LIMCH1: variants seen among roughly 807,000 people sequenced by gnomAD.
LIMCH1 encodes the protein LIM and calponin homology domains-containing protein 1.
In LIMCH1, 113 loss-of-function variants were observed where a neutral mutation model predicts 176.5. That is an observed-to-expected ratio of 0.64 (90% CI 0.55 to 0.75). LIMCH1 has a LOEUF of 0.75. LIMCH1 is among the 30% of genes least tolerant of loss of function. LIMCH1 has a pLI of 0.00. For missense variants in LIMCH1, 1,674 were observed against 1,814.9 expected (o/e 0.92, Z 1.41); for synonymous variants, 619 against 645.9 (o/e 0.96, Z 0.63).
intron 4 of LIMCH1, among the ~76,000 whole-genome samples, chr4:41,609,316 C>G (rs1400351729): frequency 6.7e-6 from 1 of 149,052 alleles, no homozygotes; most frequent in East Asian, 2.0e-4. Context: ...TTTTTGTCTT[C>G]TTTACTGGAA....
At chr4:41,396,363 CTCT>C (rs1276915106) in intron 1 of LIMCH1, among the ~76,000 whole-genome samples, 1 of 152,158 alleles carries the variant, frequency 6.6e-6, no homozygotes, top group African/African-American at 2.4e-5. Flanking sequence ...TACTAAACCT[CTCT>C]TCTTTATATG....
chr4:41,695,347 A>G (rs1398876798), intron 31 of LIMCH1, among the ~76,000 whole-genome samples: 2 of 151,054 alleles, frequency 1.3e-5, no homozygotes, highest in Admixed American at 1.3e-4. Context: ...TCTCCTTCAC[A>G]TGTAAATATG....
intron 28 of LIMCH1, 90 bp from the exon 29 acceptor site, chr4:41,687,750 T>C: frequency 1.2e-6 from 1 of 815,042 alleles, no homozygotes; most frequent in African/African-American, 1.7e-5. Context: ...TTTTATTTTA[T>C]TTTATTTTCC....
intron 1 of LIMCH1, among the ~76,000 whole-genome samples, chr4:41,408,360 G>A (rs2059174877): frequency 6.6e-6 from 1 of 152,158 alleles, no homozygotes; most frequent in Non-Finnish European, 1.5e-5. Context: ...CAGTCTGTGT[G>A]GTTGGATTTC....
chr4:41,649,696 G>A (rs1485733839), intron 17 of LIMCH1, among the ~76,000 whole-genome samples: 1 of 152,196 alleles, frequency 6.6e-6, no homozygotes, highest in Non-Finnish European at 1.5e-5. Context: ...TTTCAAGACC[G>A]AGATTTCCAG....
chr4:41,477,644 A>T (rs1288378423), intron 1 of LIMCH1, among the ~76,000 whole-genome samples: 2 of 152,192 alleles, frequency 1.3e-5, no homozygotes, highest in South Asian at 4.1e-4. Flanking sequence ...TGTGGCTAGA[A>T]CACAGTTGTC....
At chr4:41,628,776 A>G (rs2093141125) in intron 8 of LIMCH1, among the ~76,000 whole-genome samples, 1 of 152,192 alleles carries the variant, frequency 6.6e-6, no homozygotes, top group South Asian at 2.1e-4. Flanking sequence ...AGAACAATGG[A>G]AAATATCAGT....
upstream of LIMCH1, among the ~76,000 whole-genome samples, chr4:41,533,594 C>T (rs569066702): frequency 6.6e-6 from 1 of 152,220 alleles, no homozygotes; most frequent in South Asian, 2.1e-4. Flanking sequence ...CTCTTGCCTT[C>T]CAAGTAAAAA....
At chr4:41,553,581 C>CT (rs2080834223) in intron 1 of LIMCH1, among the ~76,000 whole-genome samples, 1 of 152,036 alleles carries the variant, frequency 6.6e-6, no homozygotes, top group African/African-American at 2.4e-5. Context: ...TTGAGAATCC[C>CT]TGTGTACCTG....
At chr4:41,671,421 C>T in intron 21 of LIMCH1, 133 bp from the exon 22 acceptor site, 2 of 632,124 alleles carry the variant, frequency 3.2e-6, no homozygotes, top group African/African-American at 1.8e-5. Context: ...CACACACACA[C>T]ACACACACAC....
intron 29 of LIMCH1, 118 bp from the exon 30 acceptor site, chr4:41,689,409 C>T: frequency 1.7e-6 from 1 of 579,886 alleles, no homozygotes; most frequent in Non-Finnish European, 3.1e-6. Context: ...TCATTTCATT[C>T]ATGATATAGG....
intron 1 of LIMCH1, among the ~76,000 whole-genome samples, chr4:41,374,857 G>A (rs2054496191): frequency 6.6e-6 from 1 of 152,174 alleles, no homozygotes. Flanking sequence ...AGGCTGGCTG[G>A]GAAAGAGCGA....
At position 41,360,804 on chromosome 4, in the gene LIMCH1, C is replaced by T. The variant is rs954572011; in HGVS notation, c.-37C>T. On this transcript the variant is annotated 5_prime_UTR_variant, in exon 1 of 27. Transcript: ENST00000313860. The surrounding 1 kb of genome is among the most constrained non-coding windows in gnomAD (Gnocchi z 4.5). ...TGCGGCGGCGACGGCGGCGGCCGTC[C>T]TCATCCCGGCGCTTGAGAGGACGCG... 1.3e-6 allele frequency: 2 copies of T among 1,484,596 alleles called. No individual in the cohort carries two copies. Among genetic ancestry groups the T allele is most frequent in the South Asian group, 2.5e-5 (2 of 79,610 alleles). The allele number at this position is 1,484,596 out of a possible 1,614,324, so 92.0% of individuals were successfully genotyped here. A position where few individuals can be genotyped will look rare whatever the true frequency, so the allele number is the denominator to read the frequency against.
intron 2 of LIMCH1, among the ~76,000 whole-genome samples, chr4:41,522,582 A>G (rs895880583): frequency 1.3e-5 from 2 of 152,238 alleles, no homozygotes; most frequent in Non-Finnish European, 2.9e-5. Flanking sequence ...AAGCAAAAGT[A>G]GCGAGAAAAA....
chr4:41,468,836 T>A (rs1166195315), intron 1 of LIMCH1, among the ~76,000 whole-genome samples: 1 of 152,138 alleles, frequency 6.6e-6, no homozygotes, highest in Non-Finnish European at 1.5e-5. Context: ...GATTTCTAAC[T>A]CTGGGCTTTT....
rs1175623328 is a variant in LIMCH1, at chr4:41,491,378, C to T, written c.97-3158C>T. 7.0e-4 allele frequency among the ~76,000 whole-genome samples: 83 copies of T among 118,688 alleles called. 1 individual carries two copies. The highest frequency in any genetic ancestry group is 2.4e-3 in the African/African-American group (71 of 30,194). 77.9% of individuals were successfully genotyped at this position (118,688 alleles called of 152,430 possible). On this transcript the variant is annotated intron_variant, in intron 1 of 26. Coordinates refer to the LIMCH1 transcript ENST00000313860. ...AGCCGGGCAGAGGTGCCCACTTCCC[C>T]GACAGGGCAGCCGGGCAGAGGCGCT...
intron 13 of LIMCH1, among the ~76,000 whole-genome samples, chr4:41,634,096 G>T (rs531085005): frequency 6.6e-6 from 1 of 152,338 alleles, no homozygotes; most frequent in East Asian, 1.9e-4. Flanking sequence ...TTTGGGCAAA[G>T]GGGTTGAACT....
At chr4:41,509,122 T>C (rs749957130) in intron 2 of LIMCH1, among the ~76,000 whole-genome samples, 6 of 152,188 alleles carry the variant, frequency 3.9e-5, no homozygotes, top group Non-Finnish European at 8.8e-5. Flanking sequence ...CCAGATGAGA[T>C]GCTGGAACAA....
chr4:41,406,654 C>G (rs762462767), intron 1 of LIMCH1, among the ~76,000 whole-genome samples: 2 of 152,120 alleles, frequency 1.3e-5, no homozygotes, highest in Non-Finnish European at 2.9e-5. Context: ...TCCCTGAAGC[C>G]TAGCTTGAAG....
Sources: gnomAD v4.1 joint callset for allele counts (sites outside exome capture counted in the v4.1 genomes callset) on GRCh38, gnomAD v4.1.1 for gene constraint, Gnocchi (gnomAD v3.1) non-coding constraint, MANE v1.5 for transcripts, NCBI Gene and HGNC (gene_info 2026-07-23, HGNC 2026-07-21) for gene names.